Variants in LAMC2 observed in about 807,000 individuals in gnomAD.
The protein encoded by LAMC2 is laminin subunit gamma-2.
A neutral mutation model predicts 140.2 loss-of-function variants in LAMC2; 97 were observed. The observed-to-expected ratio is 0.69, with a 90% CI of 0.59 to 0.82. The LOEUF (loss-of-function observed/expected upper bound fraction) is 0.82. Among genes scored for constraint, LAMC2 ranks in the 40% least tolerant of loss-of-function variants. The pLI, the probability that LAMC2 is intolerant of heterozygous loss-of-function variation, is 0.00. For synonymous variants in LAMC2, 513 were observed against 540.2 expected (o/e 0.95, Z 0.70); for missense variants, 1,402 against 1,476.1 (o/e 0.95, Z 0.82).
intron 2 of LAMC2, among the ~76,000 whole-genome samples, chr1:183,211,605 G>C (rs913298938): frequency 6.6e-6 from 1 of 152,106 alleles, no homozygotes; most frequent in East Asian, 1.9e-4. Flanking sequence ...CAAACTCCTG[G>C]GCTCAAGCAG....
At chr1:183,239,633 A>G (rs1660070131) in intron 20 of LAMC2, 70 bp downstream of exon 20, 1 of 1,361,586 alleles carries the variant, frequency 7.3e-7, no homozygotes, top group Non-Finnish European at 1.0e-6. Context: ...AGGGAAAAAG[A>G]ACATTGAGCT....
intron 5 of LAMC2, among the ~76,000 whole-genome samples, chr1:183,221,436 G>GA (rs34294786): frequency 6.6e-6 from 1 of 152,116 alleles, no homozygotes; most frequent in Non-Finnish European, 1.5e-5. Flanking sequence ...CCTTTGAAAA[G>GA]ACTGGACCCG....
intron 1 of LAMC2, among the ~76,000 whole-genome samples, chr1:183,204,926 G>C (rs570675995): frequency 6.6e-6 from 1 of 152,088 alleles, no homozygotes; most frequent in East Asian, 1.9e-4. Flanking sequence ...AGGTTCAAGT[G>C]ATTCTCCTGC....
intron 11 of LAMC2, among the ~76,000 whole-genome samples, chr1:183,229,304 C>A (rs1659731636): frequency 6.6e-6 from 1 of 152,118 alleles, no homozygotes; most frequent in Non-Finnish European, 1.5e-5. Flanking sequence ...CCTTGGTGCC[C>A]AGAACTCAGG....
intron 1 of LAMC2, among the ~76,000 whole-genome samples, chr1:183,187,978 T>C (rs1188080277): frequency 3.3e-5 from 5 of 152,218 alleles, no homozygotes; most frequent in African/African-American, 1.2e-4. Flanking sequence ...TTGGCTATAG[T>C]TGAGTACATA....
chr1:183,197,783 T>C (rs2102176352), intron 1 of LAMC2, among the ~76,000 whole-genome samples: 2 of 152,306 alleles, frequency 1.3e-5, no homozygotes, highest in Middle Eastern at 6.8e-3. Context: ...AGGAAGTATC[T>C]TCGGATGTCA....
At chr1:183,232,084 G>C in intron 12 of LAMC2, 103 bp from the exon 13 acceptor site, 1 of 1,426,330 alleles carries the variant, frequency 7.0e-7, no homozygotes, top group Non-Finnish European at 9.9e-7. Context: ...GACATGCTAA[G>C]CATTTCTGGA....
chr1:183,203,223 T>C (rs933358815), intron 1 of LAMC2, among the ~76,000 whole-genome samples: 5 of 152,222 alleles, frequency 3.3e-5, no homozygotes, highest in African/African-American at 1.2e-4. Context: ...CAGGCATCAA[T>C]TGCATGTGGC....
At chr1:183,252,877 A>G in the LAMC2 span, 1 of 646,560 alleles carries the variant, frequency 1.5e-6, no homozygotes, top group Non-Finnish European at 2.8e-6. Context: ...GTATTAGGAA[A>G]GGCCCTCTTG....
chr1:183,211,031 A>G (rs887520578), intron 2 of LAMC2, among the ~76,000 whole-genome samples: 8 of 152,272 alleles, frequency 5.3e-5, no homozygotes, highest in Non-Finnish European at 1.0e-4. Context: ...AATGCAAAAT[A>G]ACATGTCTTA....
Position 183,232,253 on chromosome 1 carries a change from G to T in LAMC2, c.1924G>T (p.Gly642Ter). ...GATTTCAAAGGCTCAGGGTGGTGAT[G>T]GAGTAGTACCTGATACAGAGCTGGA... ...ALISKAQGGD[G>*]VVPDTELEGR... is the part of the protein sequence containing the mutation. The change falls in exon 13 of 23, where the codon GGA becomes TGA. Residue 642 changes from glycine (G) to a stop codon, truncating the protein, a stop_gained. Coordinates refer to ENST00000264144, the MANE Select transcript of LAMC2 (RefSeq NM_005562.3). LOFTEE classifies it high-confidence loss of function. 1 of 1,614,052 alleles carries T rather than the reference G, an allele frequency of 6.2e-7. No individual in the cohort carries two copies. The highest frequency in any genetic ancestry group is 1.1e-5 in the South Asian group (1 of 91,074).
In LAMC2 at chr1:183,209,153, T is replaced by C. The variant is rs1272411411; in HGVS notation, c.268+1084T>C. Among the ~76,000 whole-genome samples the C allele has an allele frequency of 3.9e-5, 6 of 152,286 alleles. No individual in the cohort carries two copies. The South Asian group carries it at 1.2e-3, about 32-fold the overall frequency. On this transcript the variant is annotated intron_variant, in intron 2 of 22. Coordinates refer to ENST00000264144, the MANE Select transcript of LAMC2 (RefSeq NM_005562.3). Reference sequence around the variant, plus strand: ...AGAGGTGGTTCTGTAAATAAGATTTTTTTTTTAAACGGTTCATTTGTCTAT... The same window carrying C: ...AGAGGTGGTTCTGTAAATAAGATTTCTTTTTTAAACGGTTCATTTGTCTAT...
At chr1:183,230,894 A>G in intron 11 of LAMC2, 67 bp from the exon 12 acceptor site, 1 of 1,581,352 alleles carries the variant, frequency 6.3e-7, no homozygotes, top group Non-Finnish European at 8.7e-7. Flanking sequence ...CCTTCCTTGT[A>G]TCTTTGCTCT....
rs757598151 is a variant in LAMC2 at position 183,239,425 on chromosome 1, C to T, written c.2931C>T (p.Ser977=). Residue 977 remains serine, a synonymous_variant, in exon 20 of 23, where the codon TCC becomes TCT. Coordinates refer to ENST00000264144, the MANE Select transcript of LAMC2 (RefSeq NM_005562.3). The part of the protein sequence containing the change: ...AEAEEAMKRL[S]YISQKVSDAS... ...CTGAAGAAGCCATGAAGAGACTCTC[C>T]TACATCAGCCAGAAGGTTTCAGATG... The T allele has an allele frequency of 1.1e-5, 17 of 1,614,182 alleles. No homozygotes were observed. Among genetic ancestry groups the T allele is most frequent in the East Asian group, 2.2e-5 (1 of 44,894 alleles).
chr1:183,227,393 G>A, intron 9 of LAMC2, 122 bp from the exon 10 acceptor site: 4 of 970,448 alleles, frequency 4.1e-6, no homozygotes, highest in Non-Finnish European at 6.6e-6. Context: ...CAGTGCTCAG[G>A]CACTTTGGGG....
At chr1:183,226,313 A>G (rs1659624450) in intron 8 of LAMC2, among the ~76,000 whole-genome samples, 1 of 152,160 alleles carries the variant, frequency 6.6e-6, no homozygotes, top group South Asian at 2.1e-4. Context: ...AGAAAGGTGT[A>G]ACAATGTATT....
chr1:183,198,608 C>G (rs759908802), intron 1 of LAMC2, among the ~76,000 whole-genome samples: 14 of 152,206 alleles, frequency 9.2e-5, no homozygotes, highest in Non-Finnish European at 2.1e-4. Context: ...CACACACTGT[C>G]AGGTTTAAAC....
chr1:183,205,935 A>G (rs1262781354), intron 1 of LAMC2, among the ~76,000 whole-genome samples: 4 of 152,168 alleles, frequency 2.6e-5, no homozygotes, highest in African/African-American at 4.8e-5. Flanking sequence ...AAAACACCAT[A>G]TAAAAATGTT....
At chr1:183,222,301 TA>T in intron 6 of LAMC2, 90 bp downstream of exon 6, 1 of 1,450,406 alleles carries the variant, frequency 6.9e-7, no homozygotes. Flanking sequence ...GTGGAAACCA[TA>T]TAACTTTGGG....
Sources: gnomAD v4.1 joint callset for allele counts (sites outside exome capture counted in the v4.1 genomes callset) on GRCh38, gnomAD v4.1.1 for gene constraint, MANE v1.5 for transcripts, NCBI Gene and HGNC (gene_info 2026-07-23, HGNC 2026-07-21) for gene names.